BSCL2: variants seen among roughly 807,000 people sequenced by gnomAD.
BSCL2 encodes BSCL2 lipid droplet biogenesis associated, seipin, also known as seipin.
BSCL2 carries 41 observed loss-of-function variants against 57.4 expected under a neutral mutation model. The ratio of observed to expected loss-of-function variants is 0.71; its 90% CI spans 0.56 to 0.93. The LOEUF (loss-of-function observed/expected upper bound fraction) is 0.93, where lower values mean the gene tolerates loss of function less well. Ranked by LOEUF, BSCL2 falls within the 40% of genes least tolerant of loss-of-function variation. BSCL2 has a pLI of 0.00. For synonymous variants in BSCL2, 237 were observed against 227.3 expected (o/e 1.04, Z -0.38); for missense variants, 539 against 586.7 (o/e 0.92, Z 0.84).
intron 3 of BSCL2, among the ~76,000 whole-genome samples, chr11:62,699,154 C>T (rs1181358544): frequency 4.0e-5 from 6 of 151,854 alleles, no homozygotes; most frequent in Admixed American, 2.0e-4. Flanking sequence ...CCGCCCGCCT[C>T]GGCCTCCCAA....
At chr11:62,708,920 T>C, upstream of BSCL2, 1 of 799,788 alleles carries the variant, frequency 1.3e-6, no homozygotes, top group African/African-American at 1.7e-5. Context: ...AACCCTTGCC[T>C]GACCATGTGA....
chr11:62,694,830 G>T, intron 3 of BSCL2, 119 bp from the exon 4 acceptor site: 2 of 1,270,648 alleles, frequency 1.6e-6, no homozygotes, highest in Non-Finnish European at 2.2e-6. Flanking sequence ...AACCCTCTTG[G>T]GTAGCCTAAC....
upstream of BSCL2, chr11:62,708,746 C>G: frequency 6.2e-7 from 1 of 1,614,114 alleles, no homozygotes; most frequent in Non-Finnish European, 8.5e-7. Context: ...CCCTCATCAC[C>G]CCTGTGCCCA....
chr11:62,700,771 G>A (rs937173729), intron 3 of BSCL2, among the ~76,000 whole-genome samples: 2 of 152,140 alleles, frequency 1.3e-5, no homozygotes, highest in Non-Finnish European at 2.9e-5. Flanking sequence ...TGACCAACAT[G>A]GTGAAACCCT....
At chr11:62,703,150 CA>C (rs35672317) in intron 2 of BSCL2, among the ~76,000 whole-genome samples, 98,966 of 139,062 alleles carry the variant, frequency 0.71, 35,341 homozygotes, top group Admixed American at 0.81. Context: ...AACTCCATCT[CA>C]AAAAAAAAAA....
chr11:62,707,605 G>A (rs954417902), upstream of BSCL2: 80 of 533,280 alleles, frequency 1.5e-4, no homozygotes, highest in Non-Finnish European at 2.6e-4. Context: ...GTGGGGGTGT[G>A]CGCAGGGATG....
chr11:62,701,546 G>A (rs1186229036), intron 3 of BSCL2, among the ~76,000 whole-genome samples: 5 of 152,022 alleles, frequency 3.3e-5, no homozygotes, highest in Non-Finnish European at 7.4e-5. Flanking sequence ...TGTACTGAAC[G>A]TGAAAAACAG....
intron 5 of BSCL2, 53 bp from the exon 6 acceptor site, chr11:62,692,526 C>T (rs1157385928): frequency 2.5e-6 from 4 of 1,610,304 alleles, no homozygotes; most frequent in Non-Finnish European, 3.4e-6. Context: ...GCCGCTAGCA[C>T]TCTTACCCGC....
intron 3 of BSCL2, among the ~76,000 whole-genome samples, chr11:62,701,854 A>T (rs1945652205): frequency 6.6e-6 from 1 of 150,648 alleles, no homozygotes; most frequent in African/African-American, 2.4e-5. Flanking sequence ...AAAGAAAGAG[A>T]GTGAAAAACA....
Position 62,702,450 on chromosome 11 carries a change from TCTAGTTCCCATA to T in BSCL2, c.486+6_486+17del. 1 of 1,599,784 alleles carries T rather than the reference TCTAGTTCCCATA, an allele frequency of 6.3e-7. No individual in the cohort carries two copies. Among genetic ancestry groups the T allele is most frequent in the South Asian group, 1.1e-5 (1 of 90,720 alleles). ...CATCAAAGCTCTAATGAAACCTCTC[TCTAGTTCCCATA>T]CTCACCCGATCACGTCCACCCTTAG... On this transcript the variant is annotated splice_donor_region_variant and intron_variant, in intron 3 of 10. Transcript: ENST00000360796.
chr11:62,691,229 G>A (rs773451503), intron 7 of BSCL2, 51 bp downstream of exon 7: 7 of 1,613,836 alleles, frequency 4.3e-6, no homozygotes, highest in Non-Finnish European at 5.9e-6. Flanking sequence ...ACATACCCCT[G>A]ACCACCCACA....
chr11:62,707,561 C>T, upstream of BSCL2: 1 of 589,972 alleles, frequency 1.7e-6, no homozygotes, highest in Non-Finnish European at 3.0e-6. Context: ...AGGATGCCTG[C>T]AATGGGGGAG....
Position 62,705,434 on chromosome 11 carries a change from G to A in BSCL2, c.271C>T (p.Leu91=). The A allele has an allele frequency of 6.2e-7, 1 of 1,614,228 alleles. No homozygotes were observed. Among genetic ancestry groups the A allele is most frequent in the African/African-American group, 1.3e-5 (1 of 75,056 alleles). The change falls in exon 2 of 11, where the codon CTG becomes TTG. Residue 91 remains leucine, a synonymous_variant. Coordinates refer to ENST00000360796, the MANE Select transcript of BSCL2 (RefSeq NM_001122955.4). ...AAGAGCACCCCAAACTGCAGCAGCA[G>A]CCTGCGGGCACGGCCTGCCAAGACT... ...GQVLAGRARR[L]LLQFGVLFCT... is the part of the protein sequence containing the mutation.
rs752558297 is a variant in BSCL2 at position 62,690,421 on chromosome 11, G to C, written c.1335C>G (p.Ser445Arg). 3.1e-5 allele frequency: 50 copies of C among 1,614,156 alleles called. No homozygotes were observed. The highest frequency in any genetic ancestry group is 3.0e-5 in the Non-Finnish European group (35 of 1,180,020). Residue 445 changes from serine (S) to arginine (R), a missense_variant, in exon 11 of 11, where the codon AGC (serine) becomes AGG (arginine). Ser to Arg is a moderately radical substitution (Grantham distance 110). Around this residue, in one of 3 missense-constraint regions of BSCL2, gnomAD observed 248 missense variants for 239.9 expected, o/e 1.03. Coordinates refer to ENST00000360796, the MANE Select transcript of BSCL2 (RefSeq NM_001122955.4). ...GGAGAGCACCCCCAGCAGGTTCAGA[G>C]CTGCCCAGAGTCTCTAGGACAGGGG... ...ASAPVLETLG[S>R]SEPAGGALRQ...
At chr11:62,708,983 A>C, upstream of BSCL2, 3 of 623,580 alleles carry the variant, frequency 4.8e-6, 1 homozygote, top group East Asian at 8.3e-5. Flanking sequence ...CCCATTTCCT[A>C]CCACCTTTGT....
At chr11:62,698,153 C>T (rs529921202) in intron 3 of BSCL2, among the ~76,000 whole-genome samples, 274 of 151,990 alleles carry the variant, frequency 1.8e-3, no homozygotes, top group African/African-American at 5.8e-3. Flanking sequence ...GTGATCCACC[C>T]GCCTCGGCCT....
Position 62,693,485 on chromosome 11 carries a change from CAG to C in BSCL2, c.631-690_631-689del, listed in dbSNP as rs1431440742. Among the ~76,000 whole-genome samples the C allele has an allele frequency of 5.3e-5, 8 of 152,288 alleles. No individual in the cohort carries two copies. The East Asian group carries it at 1.5e-3, about 29-fold the overall frequency. On this transcript the variant is annotated intron_variant, in intron 4 of 10. Coordinates refer to ENST00000360796, the MANE Select transcript of BSCL2 (RefSeq NM_001122955.4). ...CGCCACTGCACTCCAGCCTGGGCGACAGAGCAAGATCTCTGTCTCAAAAACAA... is the reference window on the plus strand; with the variant it reads ...CGCCACTGCACTCCAGCCTGGGCGACAGCAAGATCTCTGTCTCAAAAACAA...
chr11:62,708,814 T>C, upstream of BSCL2: 1 of 1,607,946 alleles, frequency 6.2e-7, no homozygotes, highest in Non-Finnish European at 8.5e-7. Flanking sequence ...TGAGCTCCCC[T>C]GTCCCTTCTC....
Position 62,694,675 on chromosome 11 carries a change from C to T in BSCL2, c.523G>A (p.Glu175Lys), listed in dbSNP as rs772476337. 1 of 1,614,132 alleles carries T rather than the reference C, an allele frequency of 6.2e-7. No individual in the cohort carries two copies. Among genetic ancestry groups the T allele is most frequent in the Non-Finnish European group, 8.5e-7 (1 of 1,180,020 alleles). Residue 175 changes from glutamate to lysine, a missense_variant, in exon 4 of 11, where the codon GAG becomes AAG. By Grantham distance (56) the Glu-to-Lys change is moderately conservative. This residue lies in a region of BSCL2 where 218 missense variants were observed against 224.8 expected (regional missense o/e 0.97). Transcript: ENST00000360796. ...ACAGGGGACTCTGGCAGCTCAAGCT[C>T]TAAGGTAACACGATACGGCTGTCCA... Reference protein sequence around the residue: ...MYGQPYRVTLELELPESPVNQ... With the variant: ...MYGQPYRVTLKLELPESPVNQ...
Sources: gnomAD v4.1 joint callset for allele counts (sites outside exome capture counted in the v4.1 genomes callset) on GRCh38, gnomAD v4.1.1 for gene constraint, gnomAD v4.1.1 regional missense constraint, MANE v1.5 for transcripts, NCBI Gene and HGNC (gene_info 2026-07-23, HGNC 2026-07-21) for gene names.